The following SLC2A9 variants were observed in gnomAD, a reference collection of about 807,000 sequenced individuals.
The protein encoded by SLC2A9 is solute carrier family 2 member 9, also known as solute carrier family 2, facilitated glucose transporter member 9.
Under a neutral mutation model 50.6 loss-of-function variants are expected in SLC2A9, and 39 were observed. The observed-to-expected ratio is 0.77, with a 90% CI of 0.60 to 1.01. The LOEUF (loss-of-function observed/expected upper bound fraction) is 1.01, where lower values mean the gene tolerates loss of function less well. SLC2A9 is among the 50% of genes least tolerant of loss of function. SLC2A9 has a pLI of 0.00. For missense variants in SLC2A9, 686 were observed against 677.6 expected (o/e 1.01, Z -0.14); for synonymous variants, 324 against 276.9 (o/e 1.17, Z -1.69).
chr4:9,804,387 C>T (rs757297458), intron 3 of SLC2A9, among the ~76,000 whole-genome samples: 2 of 152,008 alleles, frequency 1.3e-5, no homozygotes, highest in African/African-American at 2.4e-5. Context: ...AACTCATCTG[C>T]CTTTCTCTTT....
chr4:9,863,076 C>T (rs1210496589), intron 10 of SLC2A9, among the ~76,000 whole-genome samples: 10 of 152,016 alleles, frequency 6.6e-5, no homozygotes, highest in African/African-American at 2.4e-4. Context: ...TGACGGGGAC[C>T]GAGAAATGTC....
intron 3 of SLC2A9, among the ~76,000 whole-genome samples, chr4:9,801,274 C>G (rs1177846152): frequency 2.6e-5 from 4 of 152,182 alleles, no homozygotes; most frequent in Non-Finnish European, 5.9e-5. Context: ...GTGAGCAAAA[C>G]CAGCCAAGAT....
At chr4:9,775,513 G>A (rs941460719), downstream of SLC2A9, among the ~76,000 whole-genome samples, 2 of 152,100 alleles carry the variant, frequency 1.3e-5, no homozygotes, top group Non-Finnish European at 2.9e-5. Flanking sequence ...TCCAGTGCTG[G>A]AGTTGGGGCC....
chr4:9,792,023 C>T (rs1719980780), intron 3 of SLC2A9, among the ~76,000 whole-genome samples: 1 of 152,084 alleles, frequency 6.6e-6, no homozygotes, highest in African/African-American at 2.4e-5. Flanking sequence ...CTTAAGTCAA[C>T]CTGGATGAAA....
rs752093635 is a variant in SLC2A9, at chr4:9,826,561, T to C, written c.1459A>G (p.Ile487Val). ...DTYCFLVFAT[I>V]CITGAIYLYF... is the part of the protein sequence containing the mutation. ...AGGTAGATAGCACCTGTGATACAAA[T>C]TGTAGCAAAGACTAGGAAACAGTAG... is the stretch of plus-strand genomic sequence containing the variant. Residue 487 changes from isoleucine to valine, a missense_variant, in exon 12 of 12, where the codon ATT (isoleucine) becomes GTT (valine). Coordinates refer to ENST00000264784, the MANE Select transcript of SLC2A9 (RefSeq NM_020041.3). The C allele has an allele frequency of 5.0e-6, 8 of 1,614,042 alleles. No homozygotes were observed. The highest frequency in any genetic ancestry group is 4.5e-5 in the East Asian group (2 of 44,872).
At position 9,807,225 on chromosome 4, in the gene SLC2A9, C is replaced by T. The variant is rs182537734; in HGVS notation, n.421-7984G>A. Among the ~76,000 whole-genome samples the T allele has an allele frequency of 1.4e-4, 22 of 152,308 alleles. No homozygotes were observed. In the East Asian group the frequency reaches 4.1e-3, roughly 28 times the overall value. On this transcript the variant is annotated intron_variant and non_coding_transcript_variant, in intron 3 of 3. Transcript: ENST00000503280. ...CACTTGCTATGGTCCTCACTCAGGG[C>T]TGTGGCCACATTGAAACACCATGTC...
intron 6 of SLC2A9, among the ~76,000 whole-genome samples, chr4:9,940,335 A>T (rs13142273): frequency 0.064 from 9,792 of 152,240 alleles, 823 homozygotes; most frequent in East Asian, 0.46. Flanking sequence ...ACCCGGTACA[A>T]TAGCCACTAC....
At chr4:9,881,338 G>C (rs1033965772) in intron 10 of SLC2A9, among the ~76,000 whole-genome samples, 9 of 152,164 alleles carry the variant, frequency 5.9e-5, no homozygotes, top group Non-Finnish European at 1.2e-4. Context: ...CCAGGTGACT[G>C]AGCAATGTTT....
chr4:9,843,617 C>T (rs1327902310), intron 10 of SLC2A9, among the ~76,000 whole-genome samples: 2 of 152,198 alleles, frequency 1.3e-5, no homozygotes, highest in African/African-American at 4.8e-5. Flanking sequence ...CACATTAGTT[C>T]ACCTTTCTGG....
In SLC2A9 at chr4:9,857,948, G is replaced by C. The variant is rs147091883; in HGVS notation, c.1292-22940C>G. Among the ~76,000 whole-genome samples the C allele has an allele frequency of 2.8e-3, 427 of 152,280 alleles. 5 individuals are homozygous for C. The highest frequency in any genetic ancestry group is 0.01 in the African/African-American group (419 of 41,562). ...ATTGGTTTCTAATCTACACTGCCACGGTACCTAGGGGAACAAACTTATTGT... is the reference window on the plus strand; with the variant it reads ...ATTGGTTTCTAATCTACACTGCCACCGTACCTAGGGGAACAAACTTATTGT... On this transcript the variant is annotated intron_variant, in intron 10 of 11. Coordinates refer to ENST00000264784, the MANE Select transcript of SLC2A9 (RefSeq NM_020041.3).
chr4:9,937,076 C>G (rs1224145638), intron 6 of SLC2A9, among the ~76,000 whole-genome samples: 1 of 152,172 alleles, frequency 6.6e-6, no homozygotes, highest in African/African-American at 2.4e-5. Context: ...CTCCAGCAAT[C>G]TCAAAGGTTG....
chr4:9,964,863 C>T (rs1752818898), intron 5 of SLC2A9, among the ~76,000 whole-genome samples: 1 of 152,184 alleles, frequency 6.6e-6, no homozygotes, highest in South Asian at 2.1e-4. Context: ...GTTGGTCCTA[C>T]CACAGAGAAA....
At chr4:9,788,237 C>A (rs1719470644) in intron 3 of SLC2A9, among the ~76,000 whole-genome samples, 1 of 152,064 alleles carries the variant, frequency 6.6e-6, no homozygotes, top group Admixed American at 6.6e-5. Flanking sequence ...GTTGTCTAGG[C>A]TGGGGAGCAG....
chr4:9,848,263 T>C (rs1431838752), intron 10 of SLC2A9, among the ~76,000 whole-genome samples: 2 of 151,756 alleles, frequency 1.3e-5, no homozygotes, highest in Admixed American at 6.6e-5. Flanking sequence ...AAAGAAGCAA[T>C]GGCGCCTTTT....
chr4:9,920,999 G>A (rs1000459526), intron 6 of SLC2A9, among the ~76,000 whole-genome samples: 6 of 152,138 alleles, frequency 3.9e-5, no homozygotes, highest in East Asian at 1.9e-4. Context: ...ACTGGAGTTC[G>A]TTTGCTGAAT....
chr4:9,857,012 C>T (rs1199125538), intron 10 of SLC2A9, among the ~76,000 whole-genome samples: 1 of 152,090 alleles, frequency 6.6e-6, no homozygotes, highest in East Asian at 1.9e-4. Context: ...CTATACTATG[C>T]TTATTACCTG....
At chr4:9,827,181 T>C (rs1725288713) in intron 11 of SLC2A9, among the ~76,000 whole-genome samples, 1 of 152,226 alleles carries the variant, frequency 6.6e-6, no homozygotes, top group South Asian at 2.1e-4. Flanking sequence ...TGATTAGTGT[T>C]TGGACTAGAA....
intron 3 of SLC2A9, among the ~76,000 whole-genome samples, chr4:9,801,656 T>C (rs1466462273): frequency 6.6e-6 from 1 of 151,980 alleles, no homozygotes; most frequent in Non-Finnish European, 1.5e-5. Flanking sequence ...GAAGTTGAGG[T>C]AGAAAAGTTG....
intron 5 of SLC2A9, among the ~76,000 whole-genome samples, chr4:9,947,163 A>G (rs141331195): frequency 6.6e-6 from 1 of 152,276 alleles, no homozygotes; most frequent in East Asian, 1.9e-4. Context: ...TCTGGGGCCA[A>G]TGGATGTGTA....
Sources: allele counts gnomAD v4.1 joint callset (sites outside exome capture counted in the v4.1 genomes callset), GRCh38; gene constraint gnomAD v4.1.1; transcripts MANE v1.5; gene names NCBI Gene and HGNC (gene_info 2026-07-23, HGNC 2026-07-21).